NME8: variants seen among roughly 807,000 people sequenced by gnomAD.
NME8 encodes NME/NM23 family member 8.
Under a neutral mutation model 82.3 loss-of-function variants are expected in NME8, and 72 were observed. The ratio of observed to expected loss-of-function variants is 0.87; its 90% CI spans 0.72 to 1.06. The LOEUF is 1.06. Ranked by LOEUF, NME8 falls within the 50% of genes least tolerant of loss-of-function variation. NME8 has a pLI of 0.00. For synonymous variants in NME8, 267 were observed against 228.5 expected (o/e 1.17, Z -1.52); for missense variants, 712 against 685.4 (o/e 1.04, Z -0.43).
chr7:37,860,670 A>G (rs1339491132), intron 6 of NME8, among the ~76,000 whole-genome samples: 2 of 152,168 alleles, frequency 1.3e-5, no homozygotes, highest in African/African-American at 4.8e-5. Flanking sequence ...CTGTATATCA[A>G]TAAATCACGT....
intron 5 of NME8, among the ~76,000 whole-genome samples, chr7:37,851,818 T>C (rs376295757): frequency 2.3e-4 from 35 of 152,278 alleles, no homozygotes; most frequent in African/African-American, 8.4e-4. Context: ...ATCTCTGAAA[T>C]ACATAGTTCC....
intron 14 of NME8, among the ~76,000 whole-genome samples, chr7:37,887,175 G>C (rs1189268760): frequency 6.6e-6 from 1 of 152,186 alleles, no homozygotes; most frequent in African/African-American, 2.4e-5. Context: ...TGATTCAAGA[G>C]ATGCATGCTT....
chr7:37,866,380 T>C (rs1316744653), intron 10 of NME8, among the ~76,000 whole-genome samples: 1 of 152,182 alleles, frequency 6.6e-6, no homozygotes, highest in Admixed American at 6.6e-5. Flanking sequence ...GCACCACTCA[T>C]GCCATCTCTG....
At chr7:37,865,691 A>G in intron 10 of NME8, 74 bp downstream of exon 10, 6 of 1,000,554 alleles carry the variant, frequency 6.0e-6, no homozygotes, top group Non-Finnish European at 9.5e-6. Flanking sequence ...AATCTTTATT[A>G]CAGAAAAGCA....
chr7:37,863,959 C>T (rs1029221872), intron 8 of NME8, among the ~76,000 whole-genome samples: 1 of 152,190 alleles, frequency 6.6e-6, no homozygotes. Flanking sequence ...AATGTCGATA[C>T]ATTCACAGAT....
chr7:37,886,125 G>T (rs1785035948), intron 14 of NME8, among the ~76,000 whole-genome samples: 1 of 152,152 alleles, frequency 6.6e-6, no homozygotes, highest in African/African-American at 2.4e-5. Flanking sequence ...CCCTTAGTTA[G>T]CCCTACTCAA....
At chr7:37,851,501 T>G in intron 5 of NME8, among the ~76,000 whole-genome samples, 1 of 139,778 alleles carries the variant, frequency 7.2e-6, no homozygotes. Flanking sequence ...AGCATATGAA[T>G]TAAGACATAC....
intron 10 of NME8, among the ~76,000 whole-genome samples, chr7:37,866,295 C>A (rs1049551684): frequency 1.3e-5 from 2 of 152,098 alleles, no homozygotes; most frequent in Non-Finnish European, 2.9e-5. Flanking sequence ...CATGTGGCTA[C>A]TGTGTTGGAA....
At position 37,895,441 on chromosome 7, in the gene NME8, C is replaced by G. The variant is rs369522703; in HGVS notation, c.1544+831C>G. On this transcript the variant is annotated intron_variant, in intron 16 of 17. Transcript: ENST00000199447. Reference sequence around the variant, plus strand: ...CTTTGATTTTGAGAGAACATAGGACCAGGGCTAGAAGTTGTCCGCAGTCAC... The same window carrying G: ...CTTTGATTTTGAGAGAACATAGGACGAGGGCTAGAAGTTGTCCGCAGTCAC... 8.5e-5 allele frequency among the ~76,000 whole-genome samples: 13 copies of G among 152,162 alleles called. 1 individual carries two copies. The highest frequency in any genetic ancestry group is 5.8e-4 in the East Asian group (3 of 5,182).
At chr7:37,853,182 T>C (rs1784460385) in intron 5 of NME8, among the ~76,000 whole-genome samples, 2 of 152,210 alleles carry the variant, frequency 1.3e-5, no homozygotes, top group Admixed American at 1.3e-4. Context: ...TTGTTTGTTC[T>C]CTTATTGTTG....
intron 12 of NME8, among the ~76,000 whole-genome samples, chr7:37,882,134 A>C (rs1328380394): frequency 1.3e-5 from 2 of 152,066 alleles, no homozygotes; most frequent in Non-Finnish European, 1.5e-5. Flanking sequence ...ATCTTTACAC[A>C]TTTATTTAAC....
intron 12 of NME8, among the ~76,000 whole-genome samples, chr7:37,882,643 G>GAAAGAAAGAAAAAGAA (rs796634405): frequency 3.0e-4 from 15 of 49,476 alleles, no homozygotes; most frequent in East Asian, 3.0e-3. Flanking sequence ...AAGAAAGAAA[G>GAAAGAAAGAAAAAGAA]AGAAAGAAAG....
intron 12 of NME8, among the ~76,000 whole-genome samples, chr7:37,878,103 CT>C (rs1481684120): frequency 2.0e-5 from 3 of 152,152 alleles, no homozygotes; most frequent in Admixed American, 2.0e-4. Flanking sequence ...AGTATGTTAG[CT>C]GTGTATGTCC....
rs533686467 is a variant in NME8, at chr7:37,876,220, A to G, written c.819-612A>G. Among the ~76,000 whole-genome samples the G allele has an allele frequency of 4.6e-5, 6 of 130,248 alleles. No homozygotes were observed. The South Asian group carries it at 1.3e-3, about 29-fold the overall frequency. 85.4% of individuals were successfully genotyped at this position (130,248 alleles called of 152,430 possible). The stretch of plus-strand genomic sequence containing the variant: ...AGACTCCATCTCAAAAAAACACTAT[A>G]TATATATATATAGATAGATAGATAG... On this transcript the variant is annotated intron_variant, in intron 11 of 17. Coordinates refer to ENST00000199447, the MANE Select transcript of NME8 (RefSeq NM_016616.5).
rs928112045 is a variant in NME8 at position 37,865,523 on chromosome 7, A to G, written c.529-2A>G. On this transcript the variant is annotated splice_acceptor_variant, in intron 9 of 17. Transcript: ENST00000199447. LOFTEE classifies it high-confidence loss of function. ...GGATTTGACCTTACTCTCTAATTGA[A>G]GATTACCAAAGCTGGATTTATTATA... 2 of 1,605,278 alleles carry G rather than the reference A, an allele frequency of 1.2e-6. No homozygotes were observed. The highest frequency in any genetic ancestry group is 4.5e-5 in the East Asian group (2 of 44,780).
chr7:37,895,242 T>G (rs1404863718), intron 16 of NME8, among the ~76,000 whole-genome samples: 1 of 152,220 alleles, frequency 6.6e-6, no homozygotes, highest in Non-Finnish European at 1.5e-5. Flanking sequence ...TAAAACTTCT[T>G]TCTACATGAT....
intron 12 of NME8, among the ~76,000 whole-genome samples, chr7:37,882,500 A>G (rs963832039): frequency 1.3e-5 from 2 of 151,270 alleles, no homozygotes; most frequent in East Asian, 1.9e-4. Context: ...AAAGAAAAAA[A>G]GAAAAGAAAT....
chr7:37,882,203 G>A (rs942548843), intron 12 of NME8, among the ~76,000 whole-genome samples: 1 of 152,172 alleles, frequency 6.6e-6, no homozygotes, highest in Non-Finnish European at 1.5e-5. Context: ...GTATCAAGGT[G>A]TGGGCCAGGT....
At chr7:37,872,772 C>T (rs1440004418) in intron 11 of NME8, among the ~76,000 whole-genome samples, 1 of 100,848 alleles carries the variant, frequency 9.9e-6, no homozygotes, top group African/African-American at 2.8e-5. Context: ...AACAGATGGA[C>T]AAACTAACTC....
Sources: allele counts gnomAD v4.1 joint callset (sites outside exome capture counted in the v4.1 genomes callset), GRCh38; gene constraint gnomAD v4.1.1; transcripts MANE v1.5; gene names NCBI Gene and HGNC (gene_info 2026-07-23, HGNC 2026-07-21).